The following ANK3 variants were observed in gnomAD, a reference collection of about 807,000 sequenced individuals.
The protein encoded by ANK3 is ankyrin-3.
A neutral mutation model predicts 370.9 loss-of-function variants in ANK3; 57 were observed. That is an observed-to-expected ratio of 0.15 (90% CI 0.12 to 0.19). The LOEUF (loss-of-function observed/expected upper bound fraction) is 0.19. Among genes scored for constraint, ANK3 ranks in the 10% least tolerant of loss-of-function variants. The probability of loss-of-function intolerance (pLI) is 1.00; values close to 1 mark genes in which losing one functional copy is unlikely to be tolerated. For missense variants in ANK3, 4,439 were observed against 5,302.1 expected (o/e 0.84, Z 5.06); for synonymous variants, 1,929 against 1,946.3 (o/e 0.99, Z 0.23).
intron 36 of ANK3, among the ~76,000 whole-genome samples, chr10:60,077,584 T>C (rs1394974846): frequency 1.3e-5 from 2 of 152,216 alleles, no homozygotes; most frequent in Non-Finnish European, 2.9e-5. Context: ...TAAAATGACC[T>C]GCAACTACAT....
chr10:60,250,333 G>C (rs762404254), intron 7 of ANK3, among the ~76,000 whole-genome samples: 1 of 152,184 alleles, frequency 6.6e-6, no homozygotes, highest in Non-Finnish European at 1.5e-5. Context: ...GAGAGGTCTT[G>C]ACTTAGAAAC....
intron 1 of ANK3, among the ~76,000 whole-genome samples, chr10:60,697,899 C>T (rs1306552179): frequency 2.6e-5 from 4 of 151,376 alleles, no homozygotes; most frequent in Non-Finnish European, 5.9e-5. Context: ...CCAAAATTGA[C>T]AAATGGGATC....
intron 1 of ANK3, among the ~76,000 whole-genome samples, chr10:60,381,386 T>C (rs1404312593): frequency 1.3e-5 from 2 of 152,170 alleles, no homozygotes; most frequent in African/African-American, 2.4e-5. Flanking sequence ...TGTTAATGAA[T>C]AGAAAAATGT....
chr10:60,242,401 A>G (rs1019994973), intron 7 of ANK3, among the ~76,000 whole-genome samples: 1 of 152,222 alleles, frequency 6.6e-6, no homozygotes, highest in Admixed American at 6.5e-5. Flanking sequence ...TCTAACTCCA[A>G]AAATAAAGAT....
intron 1 of ANK3, among the ~76,000 whole-genome samples, chr10:60,628,232 C>A (rs577202618): frequency 6.6e-6 from 1 of 152,106 alleles, no homozygotes; most frequent in African/African-American, 2.4e-5. Context: ...TATAGGTGAA[C>A]GTCATTGTTC....
At chr10:60,722,956 T>C (rs1217332813) in intron 1 of ANK3, among the ~76,000 whole-genome samples, 2 of 152,206 alleles carry the variant, frequency 1.3e-5, no homozygotes, top group African/African-American at 4.8e-5. Context: ...TAAACCTATT[T>C]TCTTTATAAA....
chr10:60,395,628 C>T lies in ANK3; in HGVS notation c.97-115989G>A, dbSNP rs1485694852. On this transcript the variant is annotated intron_variant, in intron 2 of 43. Transcript: ENST00000373827. ...TCTTTCTCTCTTTCGTTCTCTCTCT[C>T]TCTCTCTCTCTCTCTCTCTCTCTTT... Among the ~76,000 whole-genome samples, 573 of 137,526 alleles carry T rather than the reference C, an allele frequency of 4.2e-3. 2 individuals are homozygous for T. Among genetic ancestry groups the T allele is most frequent in the Middle Eastern group, 0.017 (5 of 286 alleles). 90.2% of individuals were successfully genotyped at this position (137,526 alleles called of 152,430 possible).
intron 1 of ANK3, among the ~76,000 whole-genome samples, chr10:60,351,772 T>A (rs74371668): frequency 0.015 from 2,304 of 152,222 alleles, 46 homozygotes; most frequent in African/African-American, 0.052. Flanking sequence ...GATCACTGCT[T>A]AGGCCATCGG....
chr10:60,225,223 T>G (rs1473822679), intron 8 of ANK3, among the ~76,000 whole-genome samples: 1 of 152,186 alleles, frequency 6.6e-6, no homozygotes, highest in Non-Finnish European at 1.5e-5. Flanking sequence ...AGCAAAGCTA[T>G]TCCATATTGG....
chr10:60,056,079 T>C, intron 41 of ANK3, 43 bp from the exon 42 acceptor site: 3 of 1,550,272 alleles, frequency 1.9e-6, no homozygotes, highest in Non-Finnish European at 2.6e-6. Context: ...AAACTATGAC[T>C]GAATATAGGT....
chr10:60,393,479 T>C (rs2063154637), upstream of ANK3, among the ~76,000 whole-genome samples: 1 of 152,170 alleles, frequency 6.6e-6, no homozygotes, highest in Admixed American at 6.5e-5. Context: ...ACAATAAAAA[T>C]ATCTTTCCAT....
At chr10:60,372,494 T>C (rs1268201708) in intron 1 of ANK3, among the ~76,000 whole-genome samples, 2 of 152,158 alleles carry the variant, frequency 1.3e-5, no homozygotes, top group Non-Finnish European at 2.9e-5. Context: ...TCTATATAAA[T>C]AGCTGGCATA....
intron 8 of ANK3, among the ~76,000 whole-genome samples, chr10:60,225,921 G>T (rs539279054): frequency 1.3e-5 from 2 of 149,024 alleles, no homozygotes; most frequent in Admixed American, 6.8e-5. Flanking sequence ...TTTTTTGGGG[G>T]GATAGTTGTT....
intron 2 of ANK3, among the ~76,000 whole-genome samples, chr10:60,462,283 A>T (rs187859126): frequency 1.5e-3 from 222 of 152,290 alleles, no homozygotes; most frequent in Non-Finnish European, 1.2e-3. Context: ...TTCTTACAGG[A>T]TAGTCTCTGT....
chr10:60,436,604 T>C (rs2064165281), intron 2 of ANK3, among the ~76,000 whole-genome samples: 1 of 152,222 alleles, frequency 6.6e-6, no homozygotes, highest in East Asian at 1.9e-4. Flanking sequence ...GTATATCCTC[T>C]CTTGATAACT....
intron 2 of ANK3, among the ~76,000 whole-genome samples, chr10:60,612,189 G>A (rs1333415622): frequency 6.6e-6 from 1 of 152,090 alleles, no homozygotes; most frequent in East Asian, 1.9e-4. Context: ...GAGCTGCAGG[G>A]GCTGAGTGGG....
At position 60,680,135 on chromosome 10, in the gene ANK3, G is replaced by A. The variant is rs553094363; in HGVS notation, c.57+53128C>T. ...GGGAGACATAGTGAGGCTCTGTCTC[G>A]GGAAAAAAAAAAAAAGGAAAGAAAG... On this transcript the variant is annotated intron_variant, in intron 1 of 43. Transcript: ENST00000373827. Among the ~76,000 whole-genome samples, 15 of 83,282 alleles carry A rather than the reference G, an allele frequency of 1.8e-4. 1 individual carries two copies. The South Asian group carries it at 3.0e-3, about 17-fold the overall frequency. The allele number at this position is 83,282 out of a possible 152,430, so 54.6% of individuals were successfully genotyped here.
chr10:60,296,343 T>C (rs113676452), intron 1 of ANK3, among the ~76,000 whole-genome samples: 3,027 of 152,238 alleles, frequency 0.02, 107 homozygotes, highest in African/African-American at 0.069. Context: ...GCCAAAAAGA[T>C]AGCATGAGAA....
chr10:60,309,802 A>C (rs2045937393), intron 1 of ANK3, among the ~76,000 whole-genome samples: 1 of 152,236 alleles, frequency 6.6e-6, no homozygotes, highest in South Asian at 2.1e-4. Flanking sequence ...GGTAAGAAAC[A>C]AAGGAATAAG....
Sources: allele counts gnomAD v4.1 joint callset (sites outside exome capture counted in the v4.1 genomes callset), GRCh38; gene constraint gnomAD v4.1.1; transcripts MANE v1.5; gene names NCBI Gene and HGNC (gene_info 2026-07-23, HGNC 2026-07-21).